Variants in PDCD6IP observed in about 807,000 individuals in gnomAD.
PDCD6IP encodes programmed cell death 6-interacting protein.
Under a neutral mutation model 103.7 loss-of-function variants are expected in PDCD6IP, and 43 were observed. The ratio of observed to expected loss-of-function variants is 0.41; its 90% CI spans 0.32 to 0.53. PDCD6IP has a LOEUF of 0.53. Ranked by LOEUF, PDCD6IP falls within the 20% of genes least tolerant of loss-of-function variation. The pLI, the probability that PDCD6IP is intolerant of heterozygous loss-of-function variation, is 0.16. For missense variants in PDCD6IP, 871 were observed against 1,036.7 expected, an observed-to-expected ratio of 0.84 and a Z score of 2.20; for synonymous variants, 354 against 378.7, an observed-to-expected ratio of 0.93 and a Z score of 0.76.
At position 33,864,090 on chromosome 3, in the gene PDCD6IP, T is replaced by A. The variant is rs777255965; in HGVS notation, c.2205T>A (p.His735Gln). The change falls in exon 16 of 18, where the codon CAT becomes CAA. Residue 735 changes from histidine to glutamine, a missense_variant. By Grantham distance (24) the His-to-Gln change is conservative. This residue lies in a region of PDCD6IP where 202 missense variants were observed against 205.2 expected (regional missense o/e 0.98). Coordinates refer to ENST00000307296, the MANE Select transcript of PDCD6IP (RefSeq NM_013374.6). ...PAYQSSPAGG[H>Q]APTPPTPAPR... is the part of the protein sequence containing the mutation. ...ATCAGTCCTCACCAGCAGGAGGACA[T>A]GCACCAACTCCTCCAACTCCAGCGC... The A allele has an allele frequency of 6.2e-7, 1 of 1,612,922 alleles. No homozygotes were observed. Among genetic ancestry groups the A allele is most frequent in the Non-Finnish European group, 8.5e-7 (1 of 1,178,846 alleles).
intron 13 of PDCD6IP, 121 bp from the exon 14 acceptor site, chr3:33,853,758 T>G (rs1697768833): frequency 1.1e-6 from 1 of 890,622 alleles, no homozygotes; most frequent in Admixed American, 4.3e-5. Context: ...GGTATTCTAG[T>G]AATTTTGCAT....
intron 6 of PDCD6IP, 22 bp downstream of exon 6, chr3:33,826,602 CACTT>C (rs1559782013): frequency 7.5e-6 from 12 of 1,609,546 alleles, no homozygotes; most frequent in Non-Finnish European, 1.0e-5. Context: ...TTTTTATAAA[CACTT>C]GCTTACTTTG....
chr3:33,866,143 CA>C (rs1354495325), intron 17 of PDCD6IP, among the ~76,000 whole-genome samples: 1 of 152,008 alleles, frequency 6.6e-6, no homozygotes, highest in South Asian at 2.1e-4. Context: ...TAGTATTAAA[CA>C]CTTGGTACTC....
chr3:33,845,610 A>G (rs11928792), intron 12 of PDCD6IP, 22 bp downstream of exon 12: 428,218 of 1,553,118 alleles, frequency 0.28, 61,945 homozygotes, highest in Admixed American at 0.45. Flanking sequence ...ACTTTGATGT[A>G]GGTTGTCATC....
At chr3:33,811,840 A>G (rs113387809) in intron 1 of PDCD6IP, among the ~76,000 whole-genome samples, 6,103 of 152,340 alleles carry the variant, frequency 0.04, 186 homozygotes, top group Middle Eastern at 0.071. Flanking sequence ...CTTTTAGCCA[A>G]TAACAGTTGA....
chr3:33,806,611 A>C (rs1054206160), intron 1 of PDCD6IP, among the ~76,000 whole-genome samples: 10 of 152,198 alleles, frequency 6.6e-5, no homozygotes, highest in African/African-American at 2.4e-4. Flanking sequence ...CCCTGTGCCT[A>C]CTTATACAAA....
rs753453635 is a variant in PDCD6IP, at chr3:33,845,400, A to C, written c.1472-19A>C. The C allele has an allele frequency of 2.5e-6, 4 of 1,603,628 alleles. No homozygotes were observed. In the African/African-American group the frequency reaches 4.0e-5, roughly 16 times the overall value. ...GTTAGAATCACTTCTGTGCTCTGCA[A>C]ACTTTTATTTTCTCCCAGAGGGAAC... On this transcript the variant is annotated intron_variant, in intron 11 of 17. Coordinates refer to ENST00000307296, the MANE Select transcript of PDCD6IP (RefSeq NM_013374.6).
Position 33,825,345 on chromosome 3 carries a change from C to A in PDCD6IP, c.616+5C>A. On this transcript the variant is annotated splice_donor_5th_base_variant and intron_variant, in intron 5 of 17. Coordinates refer to ENST00000307296, the MANE Select transcript of PDCD6IP (RefSeq NM_013374.6). ...TTTTTTTAAAAGCCACAAGAGGTAA[C>A]TCCAATTTATCTTTTTGTTGCATGT... is the stretch of plus-strand genomic sequence containing the variant. 6.3e-7 allele frequency: 1 copy of A among 1,585,832 alleles called. No homozygotes were observed. The highest frequency in any genetic ancestry group is 8.5e-7 in the Non-Finnish European group (1 of 1,172,360).
intron 8 of PDCD6IP, among the ~76,000 whole-genome samples, chr3:33,836,915 AT>A (rs928205758): frequency 7.3e-5 from 11 of 151,000 alleles, no homozygotes; most frequent in African/African-American, 2.7e-4. Flanking sequence ...AAAAATATAT[AT>A]TTTTTTCTTT....
chr3:33,835,593 T>C (rs1697328647), intron 7 of PDCD6IP, among the ~76,000 whole-genome samples: 1 of 152,102 alleles, frequency 6.6e-6, no homozygotes, highest in Non-Finnish European at 1.5e-5. Context: ...GGGTGCACGC[T>C]TGTAATTCCA....
intron 6 of PDCD6IP, 147 bp downstream of exon 6, chr3:33,826,727 T>C (rs761101769): frequency 4.1e-5 from 57 of 1,388,856 alleles, no homozygotes; most frequent in Non-Finnish European, 5.1e-5. Flanking sequence ...AGTTTTTTTT[T>C]TTTTTTAATT....
intron 9 of PDCD6IP, 65 bp from the exon 10 acceptor site, chr3:33,841,828 TAAAG>T: frequency 3.0e-6 from 3 of 1,008,088 alleles, no homozygotes; most frequent in Non-Finnish European, 4.4e-6. Flanking sequence ...CTAAATTAAA[TAAAG>T]TAAGTATTGA....
chr3:33,799,024 TA>T (rs1411991389), intron 1 of PDCD6IP, 87 bp downstream of exon 1: 5 of 1,253,178 alleles, frequency 4.0e-6, no homozygotes, highest in Admixed American at 5.1e-5. Context: ...TTCAATCCTG[TA>T]ACCTGGGCGG....
chr3:33,799,915 T>G (rs188580126), intron 1 of PDCD6IP, among the ~76,000 whole-genome samples: 127 of 151,732 alleles, frequency 8.4e-4, no homozygotes, highest in African/African-American at 3.0e-3. Context: ...GGTCAGGAGA[T>G]CGACACCATC....
Position 33,865,344 on chromosome 3 carries a change from T to A in PDCD6IP, c.2346T>A (p.Ala782=), listed in dbSNP as rs200709000. Residue 782 remains alanine (A), a synonymous_variant, in exon 17 of 18, where the codon GCT becomes GCA. Transcript: ENST00000307296. ...TAPSPVGAGT[A]APAPSQTPGS... The stretch of plus-strand genomic sequence containing the variant: ...CATCTCCAGTGGGGGCTGGGACTGC[T>A]GCGCCAGCTCCATCACAAACGCCTG... 2.4e-5 allele frequency: 38 copies of A among 1,601,096 alleles called. No homozygotes were observed. In the East Asian group the frequency reaches 5.8e-4, roughly 24 times the overall value.
At chr3:33,825,387 G>C (rs1409391688) in intron 5 of PDCD6IP, 47 bp downstream of exon 5, 3 of 1,468,346 alleles carry the variant, frequency 2.0e-6, no homozygotes, top group South Asian at 2.5e-5. Flanking sequence ...AAGTGATAAG[G>C]CTTTTAAATT....
chr3:33,845,618 A>G (rs369521529), intron 12 of PDCD6IP, 30 bp downstream of exon 12: 25 of 1,535,330 alleles, frequency 1.6e-5, no homozygotes, highest in Non-Finnish European at 1.9e-5. Context: ...GTAGGTTGTC[A>G]TCTGCTTAAG....
In PDCD6IP at chr3:33,825,236, T is replaced by C. The variant is rs1370362551; in HGVS notation, c.512T>C (p.Leu171Ser). ...ATTAAAGAGACGGTTTTATCTGCCT[T>C]AAGTCGAGAGCCGACCGTGGACATA... ...LHIKETVLSA[L>S]SREPTVDISP... The change falls in exon 5 of 18, where the codon TTA (leucine) becomes TCA (serine). Residue 171 changes from leucine (L) to serine (S), a missense_variant. Coordinates refer to ENST00000307296, the MANE Select transcript of PDCD6IP (RefSeq NM_013374.6). 1.9e-6 allele frequency: 3 copies of C among 1,613,438 alleles called. No individual in the cohort carries two copies. In the African/African-American group the frequency reaches 4.0e-5, roughly 22 times the overall value.
intron 12 of PDCD6IP, among the ~76,000 whole-genome samples, chr3:33,846,155 A>G (rs1291872612): frequency 6.6e-6 from 1 of 152,244 alleles, no homozygotes; most frequent in African/African-American, 2.4e-5. Flanking sequence ...ACAGGGAGAT[A>G]GGGTAAGTTA....
Sources: gnomAD v4.1 joint callset for allele counts (sites outside exome capture counted in the v4.1 genomes callset) on GRCh38, gnomAD v4.1.1 for gene constraint, gnomAD v4.1.1 regional missense constraint, MANE v1.5 for transcripts, NCBI Gene and HGNC (gene_info 2026-07-23, HGNC 2026-07-21) for gene names.